SH3PXD2A: variants seen among roughly 807,000 people sequenced by gnomAD.
SH3PXD2A encodes the protein SH3 and PX domain-containing protein 2A.
A neutral mutation model predicts 115.2 loss-of-function variants in SH3PXD2A; 32 were observed. The observed-to-expected ratio is 0.28, with a 90% CI of 0.21 to 0.37. The LOEUF (loss-of-function observed/expected upper bound fraction) is 0.37. Ranked by LOEUF, SH3PXD2A falls within the 10% of genes least tolerant of loss-of-function variation. SH3PXD2A has a pLI of 1.00. For synonymous variants in SH3PXD2A, 610 were observed against 629.1 expected (o/e 0.97, Z 0.45); for missense variants, 1,328 against 1,498.7 (o/e 0.89, Z 1.88).
chr10:103,838,673 C>T (rs1564901468), intron 1 of SH3PXD2A, among the ~76,000 whole-genome samples: 1 of 152,202 alleles, frequency 6.6e-6, no homozygotes, highest in Non-Finnish European at 1.5e-5. Flanking sequence ...GCAGCCACCT[C>T]TCCTACAGGA....
intron 9 of SH3PXD2A, among the ~76,000 whole-genome samples, chr10:103,623,459 T>C (rs1185822134): frequency 3.3e-5 from 5 of 152,156 alleles, no homozygotes. Flanking sequence ...GGGTGCCAGC[T>C]GGCCTCACTT....
chr10:103,747,330 T>C (rs2038516318), intron 3 of SH3PXD2A, among the ~76,000 whole-genome samples: 1 of 152,074 alleles, frequency 6.6e-6, no homozygotes. Flanking sequence ...CCCCTCCATG[T>C]GGGCGTGGGT....
chr10:103,778,444 T>C (rs1212203022), intron 2 of SH3PXD2A, among the ~76,000 whole-genome samples: 2 of 152,242 alleles, frequency 1.3e-5, no homozygotes, highest in Non-Finnish European at 2.9e-5. Flanking sequence ...CCATTATTAG[T>C]GTTCTAGTCA....
chr10:103,625,850 A>T (rs2036683420), intron 9 of SH3PXD2A, among the ~76,000 whole-genome samples: 1 of 152,256 alleles, frequency 6.6e-6, no homozygotes, highest in Non-Finnish European at 1.5e-5. Context: ...ACATTGTGCC[A>T]CTGCACTTCA....
chr10:103,601,668 T>G lies in SH3PXD2A; in HGVS notation c.*148A>C. The G allele has an allele frequency of 7.6e-6, 4 of 526,580 alleles. No individual in the cohort carries two copies. The highest frequency in any genetic ancestry group is 1.4e-5 in the Non-Finnish European group (4 of 288,890). The allele number at this position is 526,580 out of a possible 1,614,324, so 32.6% of individuals were successfully genotyped here. On this transcript the variant is annotated 3_prime_UTR_variant, in exon 15 of 15. Coordinates refer to ENST00000369774, the MANE Select transcript of SH3PXD2A (RefSeq NM_001394015.1). Reference sequence around the variant, plus strand: ...TGTGGGATGGCTTGGACAGGGGGCATCTTTGAGGTCACCCATTCTGCAGTG... The same window carrying G: ...TGTGGGATGGCTTGGACAGGGGGCAGCTTTGAGGTCACCCATTCTGCAGTG...
At chr10:103,720,083 A>C (rs2038163705) in intron 5 of SH3PXD2A, among the ~76,000 whole-genome samples, 1 of 152,206 alleles carries the variant, frequency 6.6e-6, no homozygotes, top group African/African-American at 2.4e-5. Flanking sequence ...GTAAAGTCCA[A>C]GATCAAGGTG....
intron 3 of SH3PXD2A, among the ~76,000 whole-genome samples, chr10:103,753,316 C>CGAA (rs2038600388): frequency 3.2e-5 from 2 of 63,064 alleles, no homozygotes; most frequent in African/African-American, 1.4e-4. Context: ...CCTGCCTCTA[C>CGAA]CAAAAAAAAA....
At chr10:103,661,619 C>A in intron 7 of SH3PXD2A, 1 of 976,130 alleles carries the variant, frequency 1.0e-6, no homozygotes, top group Non-Finnish European at 1.2e-6. Context: ...CCAGCCTCTG[C>A]CCCCAACCCC....
intron 2 of SH3PXD2A, among the ~76,000 whole-genome samples, chr10:103,793,286 C>T (rs2039053214): frequency 6.6e-6 from 1 of 152,178 alleles, no homozygotes; most frequent in Non-Finnish European, 1.5e-5. Context: ...CATTTACATT[C>T]ATATGCTGGA....
chr10:103,631,324 G>T (rs187116886), intron 8 of SH3PXD2A, among the ~76,000 whole-genome samples: 40 of 152,248 alleles, frequency 2.6e-4, no homozygotes, highest in Admixed American at 1.1e-3. Context: ...AGGCACAGGA[G>T]ATTAACAATA....
chr10:103,798,065 G>A (rs963133718), intron 2 of SH3PXD2A, among the ~76,000 whole-genome samples: 29 of 152,300 alleles, frequency 1.9e-4, no homozygotes, highest in African/African-American at 6.7e-4. Context: ...AGGCCGCCTC[G>A]TGGGTGCCTG....
intron 2 of SH3PXD2A, among the ~76,000 whole-genome samples, chr10:103,792,764 C>A (rs890489771): frequency 6.6e-6 from 1 of 152,184 alleles, no homozygotes; most frequent in South Asian, 2.1e-4. Flanking sequence ...AGAACCCCCA[C>A]CCAACTGCTT....
chr10:103,687,219 G>A (rs920772237), intron 6 of SH3PXD2A, among the ~76,000 whole-genome samples: 11 of 152,094 alleles, frequency 7.2e-5, no homozygotes, highest in African/African-American at 2.7e-4. Context: ...TGGGCCTGGG[G>A]GTCCAGCCTG....
intron 3 of SH3PXD2A, among the ~76,000 whole-genome samples, chr10:103,739,247 C>T (rs1257106730): frequency 4.6e-5 from 7 of 152,198 alleles, no homozygotes; most frequent in Admixed American, 6.5e-5. Context: ...GTGAGGCCAC[C>T]GGGCCACTGT....
At chr10:103,803,789 C>A (rs2039169897) in intron 1 of SH3PXD2A, among the ~76,000 whole-genome samples, 2 of 152,206 alleles carry the variant, frequency 1.3e-5, no homozygotes, top group African/African-American at 4.8e-5. Flanking sequence ...GTGAAGGACA[C>A]ACCTGCGACA....
chr10:103,775,787 T>C (rs1357716955), intron 2 of SH3PXD2A, among the ~76,000 whole-genome samples: 3 of 152,022 alleles, frequency 2.0e-5, no homozygotes, highest in Admixed American at 2.0e-4. Context: ...CTCTCAGGGG[T>C]AATTAGGGTG....
At chr10:103,736,224 C>A (rs1158512246) in intron 3 of SH3PXD2A, among the ~76,000 whole-genome samples, 1 of 152,256 alleles carries the variant, frequency 6.6e-6, no homozygotes, top group Non-Finnish European at 1.5e-5. Context: ...TTCGTTCCTG[C>A]CAGCTGGGCA....
chr10:103,646,978 A>G (rs896863875), intron 8 of SH3PXD2A, among the ~76,000 whole-genome samples: 2 of 139,932 alleles, frequency 1.4e-5, no homozygotes, highest in African/African-American at 5.5e-5. Flanking sequence ...CCCAGCCTCC[A>G]TGGGGTCCTC....
chr10:103,718,385 A>G (rs2038133113), intron 5 of SH3PXD2A, among the ~76,000 whole-genome samples: 1 of 152,130 alleles, frequency 6.6e-6, no homozygotes, highest in Non-Finnish European at 1.5e-5. Flanking sequence ...AAGCTGTCAC[A>G]TGGCTCCCCA....
Sources: allele counts gnomAD v4.1 joint callset (sites outside exome capture counted in the v4.1 genomes callset), GRCh38; gene constraint gnomAD v4.1.1; transcripts MANE v1.5; gene names NCBI Gene and HGNC (gene_info 2026-07-23, HGNC 2026-07-21).